The following ECD variants were observed in gnomAD, a reference collection of about 807,000 sequenced individuals.
ECD encodes protein ecdysoneless homolog.
Under a neutral mutation model 77.2 loss-of-function variants are expected in ECD, and 59 were observed. The ratio of observed to expected loss-of-function variants is 0.76; its 90% CI spans 0.62 to 0.95. The LOEUF is 0.95. ECD is among the 40% of genes least tolerant of loss of function. The pLI is 0.00. For missense variants in ECD, 704 were observed against 763.4 expected (o/e 0.92, Z 0.92); for synonymous variants, 233 against 267.4 (o/e 0.87, Z 1.26).
intron 8 of ECD, among the ~76,000 whole-genome samples, chr10:73,147,996 T>C (rs1222179831): frequency 3.3e-5 from 5 of 152,236 alleles, no homozygotes; most frequent in Non-Finnish European, 7.3e-5. Flanking sequence ...ATCTGGTGTT[T>C]TCATGTTTGC....
Position 73,136,743 on chromosome 10 carries a change from G to A in ECD, c.1665C>T (p.His555=), listed in dbSNP as rs1211441025. The change falls in exon 13 of 14, where the codon CAC becomes CAT. Residue 555 remains histidine (H), a synonymous_variant. Transcript: ENST00000372979. ...YMAQMDQELA[H]TCISKSFTTR... ...TGGTGAAACTTTTGCTGATGCAGGT[G>A]TGTGCTAGTTCCTGGTCCATCTGGG... 6 of 1,614,018 alleles carry A rather than the reference G, an allele frequency of 3.7e-6. No homozygotes were observed. The highest frequency in any genetic ancestry group is 5.1e-6 in the Non-Finnish European group (6 of 1,179,978).
At chr10:73,161,460 A>C (rs1249335576) in intron 2 of ECD, among the ~76,000 whole-genome samples, 2 of 152,212 alleles carry the variant, frequency 1.3e-5, no homozygotes, top group Non-Finnish European at 2.9e-5. Context: ...ACCTATAAGA[A>C]ATTGACAAAT....
chr10:73,162,591 T>C (rs1843394935), intron 2 of ECD, among the ~76,000 whole-genome samples: 1 of 152,156 alleles, frequency 6.6e-6, no homozygotes, highest in Admixed American at 6.5e-5. Context: ...AGATAACAGA[T>C]ACGCACTAAA....
rs1403689100 is a variant in ECD at position 73,156,267 on chromosome 10, T to C, written c.590+8A>G. 1 of 1,552,466 alleles carries C rather than the reference T, an allele frequency of 6.4e-7. No homozygotes were observed. The highest frequency in any genetic ancestry group is 2.2e-5 in the Admixed American group (1 of 46,230). ...CTTAATTAGCAATGAAAGTGATATT[T>C]TTCTTACCCTCTGATGCGCCTATTC... On this transcript the variant is annotated splice_region_variant and intron_variant, in intron 5 of 13. Transcript: ENST00000372979.
chr10:73,142,226 C>G (rs1183856546), intron 9 of ECD, among the ~76,000 whole-genome samples: 1 of 151,888 alleles, frequency 6.6e-6, no homozygotes, highest in Non-Finnish European at 1.5e-5. Context: ...CCAGGTTGGT[C>G]TCAAACTCCT....
chr10:73,148,987 C>T (rs1401700379), intron 7 of ECD, among the ~76,000 whole-genome samples: 1 of 152,144 alleles, frequency 6.6e-6, no homozygotes, highest in Non-Finnish European at 1.5e-5. Flanking sequence ...CTTTCTACTC[C>T]ACCCCTTTTG....
At chr10:73,139,867 T>A (rs1427136330) in intron 9 of ECD, 130 bp from the exon 10 acceptor site, 1 of 588,514 alleles carries the variant, frequency 1.7e-6, no homozygotes, top group Non-Finnish European at 2.8e-6. Flanking sequence ...TTTTTTTTTT[T>A]AAGAGATGGG....
At chr10:73,143,413 G>A (rs868050087) in intron 9 of ECD, among the ~76,000 whole-genome samples, 10 of 152,108 alleles carry the variant, frequency 6.6e-5, no homozygotes, top group African/African-American at 1.2e-4. Context: ...TGATCCACCC[G>A]CCTTGGCCTC....
intron 7 of ECD, among the ~76,000 whole-genome samples, chr10:73,149,766 C>A (rs1843178958): frequency 1.3e-5 from 2 of 152,078 alleles, no homozygotes; most frequent in Admixed American, 1.3e-4. Flanking sequence ...ATCTGTTTTG[C>A]CAAAATGTTC....
chr10:73,135,258 G>T (rs1842962521), intron 13 of ECD, among the ~76,000 whole-genome samples: 1 of 152,128 alleles, frequency 6.6e-6, no homozygotes, highest in Non-Finnish European at 1.5e-5. Context: ...AAAACACAAG[G>T]CTTTGTGGTT....
chr10:73,148,643 C>G (rs1843159150), intron 7 of ECD, among the ~76,000 whole-genome samples: 1 of 152,036 alleles, frequency 6.6e-6, no homozygotes, highest in African/African-American at 2.4e-5. Context: ...AATAAAGATT[C>G]CTGTTCTCTT....
At chr10:73,144,682 C>T (rs1843101175) in intron 9 of ECD, among the ~76,000 whole-genome samples, 1 of 152,114 alleles carries the variant, frequency 6.6e-6, no homozygotes, top group South Asian at 2.1e-4. Flanking sequence ...AACATACTTT[C>T]ACTTTACTCT....
intron 12 of ECD, among the ~76,000 whole-genome samples, chr10:73,137,273 ACT>A (rs1485686983): frequency 6.6e-6 from 1 of 151,916 alleles, no homozygotes; most frequent in Non-Finnish European, 1.5e-5. Context: ...CTCCAATCTC[ACT>A]CTCTCCCCAG....
intron 7 of ECD, among the ~76,000 whole-genome samples, chr10:73,149,280 T>C (rs1843170217): frequency 6.6e-6 from 1 of 152,242 alleles, no homozygotes; most frequent in Non-Finnish European, 1.5e-5. Context: ...TAAAAAGGTT[T>C]GTGCATTTTA....
intron 2 of ECD, among the ~76,000 whole-genome samples, chr10:73,161,860 A>T (rs893016265): frequency 6.6e-6 from 1 of 152,246 alleles, no homozygotes; most frequent in African/African-American, 2.4e-5. Context: ...TATTCCTGGG[A>T]TGCAAGGATG....
chr10:73,152,163 T>A, intron 7 of ECD, 130 bp downstream of exon 7: 3 of 1,163,738 alleles, frequency 2.6e-6, no homozygotes, highest in Non-Finnish European at 3.6e-6. Flanking sequence ...CATTCTAATT[T>A]GAAATGCCAC....
intron 11 of ECD, among the ~76,000 whole-genome samples, chr10:73,138,618 GT>G: frequency 6.6e-6 from 1 of 152,088 alleles, no homozygotes; most frequent in Admixed American, 6.6e-5. Context: ...CCAGGCTGCG[GT>G]GCAGTGGCAC....
intron 1 of ECD, among the ~76,000 whole-genome samples, chr10:73,166,852 T>A (rs1843477267): frequency 6.6e-6 from 1 of 152,210 alleles, no homozygotes; most frequent in South Asian, 2.1e-4. Flanking sequence ...TTTGGCTGCC[T>A]CTGTTTGTGA....
intron 13 of ECD, among the ~76,000 whole-genome samples, chr10:73,136,255 T>G (rs951971910): frequency 1.3e-4 from 20 of 152,328 alleles, no homozygotes; most frequent in African/African-American, 4.8e-4. Flanking sequence ...CTGTTAAAAC[T>G]GGAAAGTTAT....
Sources: allele counts gnomAD v4.1 joint callset (sites outside exome capture counted in the v4.1 genomes callset), GRCh38; gene constraint gnomAD v4.1.1; transcripts MANE v1.5; gene names NCBI Gene and HGNC (gene_info 2026-07-23, HGNC 2026-07-21).